The following NOTCH1 variants were observed in gnomAD, a reference collection of about 807,000 sequenced individuals.
NOTCH1 encodes the protein neurogenic locus notch homolog protein 1.
In NOTCH1, 37 loss-of-function variants were observed where a neutral mutation model predicts 254.8. The ratio of observed to expected loss-of-function variants is 0.15; its 90% confidence interval spans 0.11 to 0.19. The LOEUF (loss-of-function observed/expected upper bound fraction) is 0.19, where lower values mean the gene tolerates loss of function less well. Among genes scored for constraint, NOTCH1 ranks in the 10% least tolerant of loss-of-function variants. The probability of loss-of-function intolerance (pLI) is 1.00; values close to 1 mark genes in which losing one functional copy is unlikely to be tolerated. For missense variants in NOTCH1, 2,972 were observed against 3,708.6 expected (o/e 0.80, Z 5.16); for synonymous variants, 1,731 against 1,618.1 (o/e 1.07, Z -1.68).
At chr9:136,519,231 G>A (rs184529015) in intron 5 of NOTCH1, among the ~76,000 whole-genome samples, 222 of 152,330 alleles carry the variant, frequency 1.5e-3, no homozygotes, top group Middle Eastern at 0.01. Flanking sequence ...GACCAACCAG[G>A]GCCCTGTCTG....
Position 136,494,848 on chromosome 9 carries a change from T to G in NOTCH1, c.*1223A>C. ...CATTTTTTCTGCCATAGGCTATACT[T>G]GGTATTGCAAAAATCTGCTCCTCCC... On this transcript the variant is annotated 3_prime_UTR_variant, in exon 34 of 34. Coordinates refer to ENST00000651671, the MANE Select transcript of NOTCH1 (RefSeq NM_017617.5). The G allele has an allele frequency of 5.0e-6, 2 of 398,682 alleles. No individual in the cohort carries two copies. The highest frequency in any genetic ancestry group is 8.9e-6 in the Non-Finnish European group (2 of 225,988). The allele number at this position is 398,682 out of a possible 1,614,324, so 24.7% of individuals were successfully genotyped here.
Position 136,519,573 on chromosome 9 carries a change from AAG to A in NOTCH1, c.743-10_743-9del. On this transcript the variant is annotated splice_polypyrimidine_tract_variant and intron_variant, in intron 4 of 33. Transcript: ENST00000651671. ...AGTTCTGGCCGGTGAAGCCTGCCGC[AAG>A]AGGGGCCGGGTCAGCCTCTTCCCTG... is the stretch of plus-strand genomic sequence containing the variant. 1 of 1,612,618 alleles carries A rather than the reference AAG, an allele frequency of 6.2e-7. No individual in the cohort carries two copies. The highest frequency in any genetic ancestry group is 1.1e-5 in the South Asian group (1 of 91,082).
In NOTCH1 at chr9:136,545,799, G is replaced by C; in HGVS notation, c.-13C>G. On this transcript the variant is annotated 5_prime_UTR_variant, in exon 1 of 34. Coordinates refer to ENST00000651671, the MANE Select transcript of NOTCH1 (RefSeq NM_017617.5). The surrounding 1 kb of genome is among the most constrained non-coding windows in gnomAD (Gnocchi z 6.8). ...GGAGCGGCGGCATGCCTCCCCACCG[G>C]CTGCCCTCTGCGCCCGGGCGGCGGC... The C allele has an allele frequency of 7.8e-7, 1 of 1,279,684 alleles. No individual in the cohort carries two copies. The highest frequency in any genetic ancestry group is 9.9e-7 in the Non-Finnish European group (1 of 1,012,000). The allele number at this position is 1,279,684 out of a possible 1,614,324, so 79.3% of individuals were successfully genotyped here.
chr9:136,513,050 T>C lies in NOTCH1; in HGVS notation c.2438A>G (p.Tyr813Cys). Reference sequence around the variant, plus strand: ...GTAGGGCAGCAGGCAGTTGCACTTGTACCCGGCAACGTCGTCAATACACGT... The same window carrying C: ...GTAGGGCAGCAGGCAGTTGCACTTGCACCCGGCAACGTCGTCAATACACGT... The part of the protein sequence containing the change: ...QGTCIDDVAG[Y>C]KCNCLLPYTG... The change falls in exon 15 of 34, where the codon TAC (tyrosine) becomes TGC (cysteine). Residue 813 changes from tyrosine to cysteine, a missense_variant. This residue lies in a region of NOTCH1 where 1,343 missense variants were observed against 1,557.0 expected (regional missense o/e 0.86). Transcript: ENST00000651671. The surrounding 1 kb of genome is among the most constrained non-coding windows in gnomAD (Gnocchi z 4.7). 1 of 1,610,988 alleles carries C rather than the reference T, an allele frequency of 6.2e-7. No individual in the cohort carries two copies. The highest frequency in any genetic ancestry group is 8.5e-7 in the Non-Finnish European group (1 of 1,179,102).
chr9:136,524,922 C>A (rs1054311879), intron 2 of NOTCH1, among the ~76,000 whole-genome samples: 1 of 152,182 alleles, frequency 6.6e-6, no homozygotes, highest in South Asian at 2.1e-4. Context: ...AGGCGTAAGC[C>A]ACCGCGCCCG....
intron 4 of NOTCH1, among the ~76,000 whole-genome samples, chr9:136,521,595 T>C (rs1843367397): frequency 6.6e-6 from 1 of 151,862 alleles, no homozygotes; most frequent in Non-Finnish European, 1.5e-5. Flanking sequence ...TGACTGGAGG[T>C]AGGGTCCCGT....
chr9:136,510,382 C>T (rs1043641810), intron 17 of NOTCH1: 9 of 586,476 alleles, frequency 1.5e-5, no homozygotes, highest in South Asian at 9.9e-5. Flanking sequence ...GAGTGCAGGC[C>T]GGGCCCGAGC....
At chr9:136,511,312 A>T in intron 15 of NOTCH1, 41 bp from the exon 16 acceptor site, 1 of 1,581,272 alleles carries the variant, frequency 6.3e-7, no homozygotes, top group Non-Finnish European at 8.6e-7. Context: ...AGCCTCACCC[A>T]GAGGGATCTC....
intron 17 of NOTCH1, 145 bp from the exon 18 acceptor site, chr9:136,510,106 T>A (rs1052153174): frequency 4.7e-5 from 36 of 770,728 alleles, no homozygotes; most frequent in African/African-American, 6.9e-5. Flanking sequence ...AGGTGTCTGG[T>A]GGGGAGCCCC....
At chr9:136,507,160 A>T (rs908485039) in intron 22 of NOTCH1, 145 bp downstream of exon 22, 1 of 1,491,950 alleles carries the variant, frequency 6.7e-7, no homozygotes, top group Non-Finnish European at 9.2e-7. Flanking sequence ...TTCCCTGGGC[A>T]GCTGTGAGTC....
At position 136,503,300 on chromosome 9, in the gene NOTCH1, C is replaced by A; in HGVS notation, c.5049G>T (p.Arg1683=). 5.6e-6 allele frequency: 9 copies of A among 1,612,970 alleles called. No homozygotes were observed. Among genetic ancestry groups the A allele is most frequent in the Non-Finnish European group, 6.8e-6 (8 of 1,179,900 alleles). ...GSIVYLEIDN[R]QCVQASSQCF... ...ACTGCGAGGAGGCCTGCACACACTG[C>A]CGGTTGTCAATCTCCAGGTAGACGA... The change falls in exon 27 of 34, where the codon CGG becomes CGT. Residue 1683 remains arginine, a synonymous_variant. Transcript: ENST00000651671.
chr9:136,509,871 T>C lies in NOTCH1; in HGVS notation c.2831A>G (p.Glu944Gly), dbSNP rs2133351009. The C allele has an allele frequency of 6.2e-7, 1 of 1,613,134 alleles. No homozygotes were observed. Among genetic ancestry groups the C allele is most frequent in the Non-Finnish European group, 8.5e-7 (1 of 1,180,012 alleles). ...GTCACTGGCACACTCGTTGATGTCC[T>C]CCTCACAGAAAGTGCCCCGGAAGCC... is the stretch of plus-strand genomic sequence containing the variant. ...LPGFRGTFCE[E>G]DINECASDPC... The change falls in exon 18 of 34, where the codon GAG (glutamate) becomes GGG (glycine). Residue 944 changes from glutamate (E) to glycine (G), a missense_variant. This residue lies in a region of NOTCH1 where 1,343 missense variants were observed against 1,557.0 expected (regional missense o/e 0.86). Transcript: ENST00000651671.
Position 136,516,343 on chromosome 9 carries a change from C to T in NOTCH1, c.1556-249G>A, listed in dbSNP as rs939830126. On this transcript the variant is annotated intron_variant, in intron 9 of 33. Coordinates refer to ENST00000651671, the MANE Select transcript of NOTCH1 (RefSeq NM_017617.5). Reference sequence around the variant, plus strand: ...TCCCAAACCGACTGGGTTGCTATGGCTACAGTGGAGCCGGGCTGAGAATGG... The same window carrying T: ...TCCCAAACCGACTGGGTTGCTATGGTTACAGTGGAGCCGGGCTGAGAATGG... Among the ~76,000 whole-genome samples the T allele has an allele frequency of 2.6e-5, 4 of 152,230 alleles. 1 individual carries two copies. The South Asian group carries it at 6.2e-4, about 24-fold the overall frequency.
At chr9:136,520,328 T>C (rs3124606) in intron 4 of NOTCH1, among the ~76,000 whole-genome samples, 62,860 of 151,826 alleles carry the variant, frequency 0.41, 14,357 homozygotes, top group East Asian at 0.86. Context: ...CTCTGAGACA[T>C]TGCCCCACCG....
At chr9:136,539,337 C>T (rs536445238) in intron 2 of NOTCH1, among the ~76,000 whole-genome samples, 1 of 152,350 alleles carries the variant, frequency 6.6e-6, no homozygotes, top group African/African-American at 2.4e-5. Flanking sequence ...CTGATGTCTC[C>T]CCAGTCTGAG....
At chr9:136,509,679 C>T (rs551869048) in intron 18 of NOTCH1, 54 bp downstream of exon 18, 22 of 1,533,900 alleles carry the variant, frequency 1.4e-5, no homozygotes, top group East Asian at 2.3e-5. Flanking sequence ...CCAGCTACTG[C>T]GTGTGGCCCG....
Position 136,499,178 on chromosome 9 carries a change from C to T in NOTCH1, c.6016G>A (p.Ala2006Thr), listed in dbSNP as rs1842960512. 1 of 1,613,380 alleles carries T rather than the reference C, an allele frequency of 6.2e-7. No homozygotes were observed. The highest frequency in any genetic ancestry group is 8.5e-7 in the Non-Finnish European group (1 of 1,180,006). The change falls in exon 32 of 34, where the codon GCC (alanine) becomes ACC (threonine). Residue 2006 changes from alanine to threonine, a missense_variant. Ala to Thr is a moderately conservative substitution (Grantham distance 58). Coordinates refer to ENST00000651671, the MANE Select transcript of NOTCH1 (RefSeq NM_017617.5). ...TTPLILAARL[A>T]VEGMLEDLIN... ...AGGTCCTCCAGCATGCCCTCCACGG[C>T]CAGGCGGGCAGCCAGGATCAGTGGC...
rs2133360597 is a variant in NOTCH1 at position 136,514,554 on chromosome 9, G to A, written c.2163C>T (p.Asn721=). The A allele has an allele frequency of 1.2e-6, 2 of 1,605,346 alleles. No individual in the cohort carries two copies. Among genetic ancestry groups the A allele is most frequent in the Non-Finnish European group, 1.7e-6 (2 of 1,176,950 alleles). Residue 721 remains asparagine (N), a synonymous_variant, in exon 13 of 34, where the codon AAC becomes AAT. Coordinates refer to ENST00000651671, the MANE Select transcript of NOTCH1 (RefSeq NM_017617.5). ...PTCLSEVNEC[N]SNPCVHGACR... ...AGGCCCCGTGGACGCAGGGGTTGCT[G>A]TTGCACTCATTGACCTCAGACAGGC...
intron 10 of NOTCH1, 107 bp downstream of exon 10, chr9:136,515,874 T>C (rs1344894089): frequency 8.6e-7 from 1 of 1,163,846 alleles, no homozygotes; most frequent in Non-Finnish European, 1.2e-6. Flanking sequence ...TCTCGGCCTC[T>C]GGACCAGGTG....
Sources: gnomAD v4.1 joint callset for allele counts (sites outside exome capture counted in the v4.1 genomes callset) on GRCh38, gnomAD v4.1.1 for gene constraint, gnomAD v4.1.1 regional missense constraint, Gnocchi (gnomAD v3.1) non-coding constraint, MANE v1.5 for transcripts, NCBI Gene and HGNC (gene_info 2026-07-23, HGNC 2026-07-21) for gene names.